The following RALGAPA2 variants were observed in gnomAD, a reference collection of about 807,000 sequenced individuals.
RALGAPA2 encodes ral GTPase-activating protein subunit alpha-2.
In RALGAPA2, 139 loss-of-function variants were observed where a neutral mutation model predicts 230.4. That is an observed-to-expected ratio of 0.60 (90% CI 0.53 to 0.69). The LOEUF (loss-of-function observed/expected upper bound fraction) is 0.69, where lower values mean the gene tolerates loss of function less well. RALGAPA2 is among the 30% of genes least tolerant of loss of function. RALGAPA2 has a pLI of 0.00. For synonymous variants in RALGAPA2, 847 were observed against 837.8 expected (o/e 1.01, Z -0.19); for missense variants, 2,163 against 2,276.0 (o/e 0.95, Z 1.01).
intron 37 of RALGAPA2, among the ~76,000 whole-genome samples, chr20:20,425,380 G>A (rs1206311603): frequency 6.6e-6 from 1 of 152,082 alleles, no homozygotes; most frequent in Non-Finnish European, 1.5e-5. Flanking sequence ...CCTTTTCATG[G>A]TATTTACAAA....
chr20:20,688,527 A>C (rs1446701662), intron 1 of RALGAPA2, among the ~76,000 whole-genome samples: 1 of 152,138 alleles, frequency 6.6e-6, no homozygotes, highest in Non-Finnish European at 1.5e-5. Flanking sequence ...TGAAGGAAGC[A>C]CAGAGTCCCC....
intron 37 of RALGAPA2, among the ~76,000 whole-genome samples, chr20:20,458,773 C>CA (rs2061210074): frequency 8.5e-6 from 1 of 117,170 alleles, no homozygotes; most frequent in African/African-American, 3.1e-5. Flanking sequence ...TATATATAGA[C>CA]CTATATATAT....
At chr20:20,687,257 A>G (rs945647575) in intron 1 of RALGAPA2, among the ~76,000 whole-genome samples, 2 of 152,260 alleles carry the variant, frequency 1.3e-5, no homozygotes, top group African/African-American at 4.8e-5. Flanking sequence ...AGTCAGACAC[A>G]AGACAGAAAA....
chr20:20,615,382 G>C (rs893758337), intron 13 of RALGAPA2, among the ~76,000 whole-genome samples: 1 of 151,820 alleles, frequency 6.6e-6, no homozygotes, highest in African/African-American at 2.4e-5. Context: ...GGTTGGTCTC[G>C]AACTCCTGAC....
chr20:20,699,350 G>A (rs1327526630), intron 1 of RALGAPA2, among the ~76,000 whole-genome samples: 1 of 152,132 alleles, frequency 6.6e-6, no homozygotes, highest in Non-Finnish European at 1.5e-5. Flanking sequence ...AGAAAGACTA[G>A]AGGATATTTT....
At chr20:20,511,365 C>T (rs754515793) in intron 32 of RALGAPA2, 40 bp from the exon 33 acceptor site, 20 of 1,526,854 alleles carry the variant, frequency 1.3e-5, no homozygotes, top group Non-Finnish European at 1.8e-5. Context: ...CATGTGATTA[C>T]AGAACCATTT....
intron 36 of RALGAPA2, 84 bp from the exon 37 acceptor site, chr20:20,473,040 C>A (rs2061574391): frequency 5.7e-6 from 8 of 1,407,704 alleles, no homozygotes; most frequent in Non-Finnish European, 7.7e-6. Context: ...TGATGTCAGA[C>A]CTGCAATGAG....
intron 37 of RALGAPA2, among the ~76,000 whole-genome samples, chr20:20,419,085 C>T (rs6046845): frequency 0.66 from 100,332 of 151,912 alleles, 33,284 homozygotes; most frequent in African/African-American, 0.74. Context: ...TTGCTTAGGG[C>T]TACACACATA....
intron 27 of RALGAPA2, among the ~76,000 whole-genome samples, chr20:20,530,922 T>C (rs2063351814): frequency 6.6e-6 from 1 of 152,154 alleles, no homozygotes; most frequent in Non-Finnish European, 1.5e-5. Context: ...ATAATGGCAA[T>C]GCTATTTATT....
chr20:20,393,663 C>CT (rs879853117), intron 39 of RALGAPA2, among the ~76,000 whole-genome samples: 41 of 152,310 alleles, frequency 2.7e-4, no homozygotes, highest in Admixed American at 2.6e-3. Flanking sequence ...TTCCTGGAAT[C>CT]TCCACGTGTT....
chr20:20,538,720 G>C (rs2145634831), intron 24 of RALGAPA2, among the ~76,000 whole-genome samples: 1 of 152,284 alleles, frequency 6.6e-6, no homozygotes. Flanking sequence ...AAAAGTCTGG[G>C]ATAACAATTC....
At chr20:20,467,604 C>A (rs900519061) in intron 37 of RALGAPA2, among the ~76,000 whole-genome samples, 2 of 152,102 alleles carry the variant, frequency 1.3e-5, no homozygotes, top group East Asian at 3.9e-4. Context: ...GTATTCTTAG[C>A]GACTTGAGTT....
intron 3 of RALGAPA2, among the ~76,000 whole-genome samples, chr20:20,661,865 A>G (rs1400204622): frequency 3.9e-5 from 6 of 152,350 alleles, no homozygotes; most frequent in African/African-American, 1.4e-4. Context: ...AAAGGGAATT[A>G]TTTCAAATAG....
At chr20:20,546,235 G>A (rs944578603) in intron 24 of RALGAPA2, among the ~76,000 whole-genome samples, 5 of 151,996 alleles carry the variant, frequency 3.3e-5, no homozygotes, top group African/African-American at 2.4e-5. Context: ...ATGTTATTAA[G>A]AGAATACATA....
intron 13 of RALGAPA2, among the ~76,000 whole-genome samples, chr20:20,614,910 A>C (rs536547613): frequency 6.6e-6 from 1 of 152,282 alleles, no homozygotes; most frequent in South Asian, 2.1e-4. Context: ...AGGGCCTCCA[A>C]GGACTGATAA....
chr20:20,451,392 A>C (rs898928572), intron 37 of RALGAPA2, among the ~76,000 whole-genome samples: 2 of 152,150 alleles, frequency 1.3e-5, no homozygotes, highest in African/African-American at 4.8e-5. Flanking sequence ...TCCAAAAAGT[A>C]ATCTATTTTT....
At chr20:20,444,925 C>G (rs2060826556) in intron 37 of RALGAPA2, among the ~76,000 whole-genome samples, 1 of 151,648 alleles carries the variant, frequency 6.6e-6, no homozygotes, top group African/African-American at 2.4e-5. Flanking sequence ...GCATGCGCTG[C>G]CTATTAGTCA....
Position 20,620,458 on chromosome 20 carries a change from A to G in RALGAPA2, c.1401+5T>C. 1 of 1,612,546 alleles carries G rather than the reference A, an allele frequency of 6.2e-7. No individual in the cohort carries two copies. Among genetic ancestry groups the G allele is most frequent in the Non-Finnish European group, 8.5e-7 (1 of 1,179,396 alleles). On this transcript the variant is annotated splice_donor_5th_base_variant and intron_variant, in intron 11 of 39. Coordinates refer to ENST00000202677, the MANE Select transcript of RALGAPA2 (RefSeq NM_020343.4). ...TCAACTCAAAAGACAAGTGAAAAAA[A>G]TTACCTCCTTGCTATCAGTCTCGGA...
At chr20:20,701,022 T>G (rs1417221477) in intron 1 of RALGAPA2, among the ~76,000 whole-genome samples, 1 of 152,176 alleles carries the variant, frequency 6.6e-6, no homozygotes, top group Non-Finnish European at 1.5e-5. Flanking sequence ...AGTTACTTAT[T>G]CTAAACTAAG....
Sources: gnomAD v4.1 joint callset for allele counts (sites outside exome capture counted in the v4.1 genomes callset) on GRCh38, gnomAD v4.1.1 for gene constraint, MANE v1.5 for transcripts, NCBI Gene and HGNC (gene_info 2026-07-23, HGNC 2026-07-21) for gene names.